Variants in ABI3BP observed in about 807,000 individuals in gnomAD.
ABI3BP encodes target of Nesh-SH3.
A neutral mutation model predicts 268.6 loss-of-function variants in ABI3BP; 216 were observed. The observed-to-expected ratio is 0.80, with a 90% CI of 0.72 to 0.90. ABI3BP has a LOEUF of 0.90. Ranked by LOEUF, ABI3BP falls within the 40% of genes least tolerant of loss-of-function variation. The pLI, the probability that ABI3BP is intolerant of heterozygous loss-of-function variation, is 0.00. For missense variants in ABI3BP, 2,090 were observed against 2,182.4 expected, an observed-to-expected ratio of 0.96 and a Z score of 0.84; for synonymous variants, 730 against 730.0, an observed-to-expected ratio of 1.00 and a Z score of 0.00.
intron 1 of ABI3BP, among the ~76,000 whole-genome samples, chr3:100,941,401 C>A (rs1009588399): frequency 6.6e-6 from 1 of 152,062 alleles, no homozygotes; most frequent in Non-Finnish European, 1.5e-5. Context: ...AATTAGTGAG[C>A]TTTTTATTAG....
chr3:100,974,309 GTGCTT>G (rs2085044366), intron 1 of ABI3BP, among the ~76,000 whole-genome samples: 1 of 152,202 alleles, frequency 6.6e-6, no homozygotes, highest in African/African-American at 2.4e-5. Context: ...ATGTAAGCAA[GTGCTT>G]ATAGCAGTTT....
intron 58 of ABI3BP, among the ~76,000 whole-genome samples, chr3:100,778,883 C>A (rs1338427035): frequency 6.6e-6 from 1 of 152,108 alleles, no homozygotes; most frequent in East Asian, 1.9e-4. Flanking sequence ...TGAGGAAAAT[C>A]CTGGGACCAA....
chr3:100,933,684 C>A (rs2064675600), intron 1 of ABI3BP, among the ~76,000 whole-genome samples: 2 of 147,190 alleles, frequency 1.4e-5, no homozygotes, highest in South Asian at 4.3e-4. Flanking sequence ...GAAAATAATT[C>A]TTTCTATTCA....
At chr3:100,790,575 AATTT>A (rs1199178693) in intron 55 of ABI3BP, among the ~76,000 whole-genome samples, 1 of 151,970 alleles carries the variant, frequency 6.6e-6, no homozygotes, top group Admixed American at 6.6e-5. Context: ...TGATGAGCAG[AATTT>A]TGCCATACTT....
At chr3:100,985,212 C>T (rs767136005) in intron 1 of ABI3BP, among the ~76,000 whole-genome samples, 21 of 136,232 alleles carry the variant, frequency 1.5e-4, no homozygotes, top group Admixed American at 2.5e-4. Flanking sequence ...TGCAGTGCTG[C>T]GATCTCAGCT....
At chr3:100,792,162 C>G (rs1381407234) in intron 55 of ABI3BP, among the ~76,000 whole-genome samples, 1 of 151,830 alleles carries the variant, frequency 6.6e-6, no homozygotes, top group African/African-American at 2.4e-5. Flanking sequence ...CAGAAAATCA[C>G]AGAGAAGAAA....
At chr3:100,862,636 T>C (rs1284409250) in intron 13 of ABI3BP, 3 of 585,386 alleles carry the variant, frequency 5.1e-6, no homozygotes, top group African/African-American at 1.9e-5. Context: ...GCTAAGTGGA[T>C]TATGTGGAAT....
intron 1 of ABI3BP, among the ~76,000 whole-genome samples, chr3:100,936,860 T>C (rs940727640): frequency 2.0e-5 from 3 of 152,030 alleles, no homozygotes; most frequent in Non-Finnish European, 4.4e-5. Flanking sequence ...TATTTGATTC[T>C]TCTCTCTTTT....
chr3:100,950,290 T>C (rs1017786190), intron 1 of ABI3BP, among the ~76,000 whole-genome samples: 1 of 152,196 alleles, frequency 6.6e-6, no homozygotes, highest in East Asian at 1.9e-4. Flanking sequence ...TTTTTTAAAA[T>C]GGAAAATATT....
At chr3:100,833,768 A>G (rs983438246) in intron 29 of ABI3BP, among the ~76,000 whole-genome samples, 1 of 152,212 alleles carries the variant, frequency 6.6e-6, no homozygotes, top group African/African-American at 2.4e-5. Flanking sequence ...AATTGGCTCA[A>G]ATCCAATCAT....
Position 100,875,558 on chromosome 3 carries a change from T to C in ABI3BP, c.767A>G (p.Lys256Arg). 1 of 1,613,254 alleles carries C rather than the reference T, an allele frequency of 6.2e-7. No individual in the cohort carries two copies. The highest frequency in any genetic ancestry group is 8.5e-7 in the Non-Finnish European group (1 of 1,179,240). The change falls in exon 8 of 68, where the codon AAG becomes AGG. Residue 256 changes from lysine to arginine, a missense_variant. Transcript: ENST00000471714. ...TTTTTCTGGGGATTTAGCTGAATCC[T>C]TGTGAGTAACATTCTGAATCACTGT... is the stretch of plus-strand genomic sequence containing the variant. ...IKQVIQNVTHKDSAKSPEKAP... is the reference protein window; with the variant it reads ...IKQVIQNVTHRDSAKSPEKAP...
In ABI3BP at chr3:100,970,392, G is replaced by C. The variant is rs80263453; in HGVS notation, c.79+22914C>G. On this transcript the variant is annotated intron_variant, in intron 1 of 67. Coordinates refer to ENST00000471714, the MANE Select transcript of ABI3BP (RefSeq NM_001375547.2). Reference sequence around the variant, plus strand: ...AAGTAGCTACAGTTCCTTCCAAAGGGAACACACTAAAAAATATGACAAAGT... The same window carrying C: ...AAGTAGCTACAGTTCCTTCCAAAGGCAACACACTAAAAAATATGACAAAGT... 8.7e-3 allele frequency among the ~76,000 whole-genome samples: 1,331 copies of C among 152,226 alleles called. 15 individuals carry two copies. The highest frequency in any genetic ancestry group is 0.027 in the African/African-American group (1,103 of 41,542).
intron 1 of ABI3BP, among the ~76,000 whole-genome samples, chr3:100,941,093 C>T (rs2068972984): frequency 1.3e-5 from 2 of 151,312 alleles, no homozygotes; most frequent in Non-Finnish European, 2.9e-5. Context: ...ACATAGATAG[C>T]TGCCTCAGTG....
intron 31 of ABI3BP, among the ~76,000 whole-genome samples, chr3:100,831,766 C>A (rs1048859037): frequency 1.3e-5 from 2 of 152,160 alleles, no homozygotes; most frequent in African/African-American, 4.8e-5. Flanking sequence ...ACATTTTCCT[C>A]CTCTAAATAT....
In ABI3BP at chr3:100,884,761, G is replaced by A. The variant is rs534831805; in HGVS notation, c.696+775C>T. Reference sequence around the variant, plus strand: ...GGGACCAAATTCCCTTCTTCTCACCGAACTGCCTCCTCTGTCTGCCCAGTA... The same window carrying A: ...GGGACCAAATTCCCTTCTTCTCACCAAACTGCCTCCTCTGTCTGCCCAGTA... On this transcript the variant is annotated intron_variant, in intron 6 of 67. Transcript: ENST00000471714. Among the ~76,000 whole-genome samples the A allele has an allele frequency of 7.8e-5, 9 of 116,126 alleles. No individual in the cohort carries two copies. In the South Asian group the frequency reaches 1.9e-3, roughly 25 times the overall value. The allele number at this position is 116,126 out of a possible 152,430, so 76.2% of individuals were successfully genotyped here.
At chr3:100,978,553 G>A (rs578010673) in intron 1 of ABI3BP, among the ~76,000 whole-genome samples, 3 of 152,294 alleles carry the variant, frequency 2.0e-5, no homozygotes, top group South Asian at 2.1e-4. Context: ...TATGTCAAGC[G>A]AGTGCTGCCC....
intron 34 of ABI3BP, among the ~76,000 whole-genome samples, chr3:100,826,920 T>C (rs1232412922): frequency 6.6e-6 from 1 of 152,132 alleles, no homozygotes; most frequent in African/African-American, 2.4e-5. Context: ...GTCATCCAAA[T>C]GCAGAATTAT....
intron 1 of ABI3BP, among the ~76,000 whole-genome samples, chr3:100,982,234 G>T (rs530415956): frequency 6.6e-6 from 1 of 152,100 alleles, no homozygotes; most frequent in Non-Finnish European, 1.5e-5. Flanking sequence ...CACGTGTGGG[G>T]ATTATGGGGA....
chr3:100,962,180 A>G (rs2079381514), intron 1 of ABI3BP, among the ~76,000 whole-genome samples: 1 of 152,112 alleles, frequency 6.6e-6, no homozygotes, highest in African/African-American at 2.4e-5. Context: ...CTCACTTGGC[A>G]GACTCTCTCT....
Sources: gnomAD v4.1 joint callset for allele counts (sites outside exome capture counted in the v4.1 genomes callset) on GRCh38, gnomAD v4.1.1 for gene constraint, MANE v1.5 for transcripts, NCBI Gene and HGNC (gene_info 2026-07-23, HGNC 2026-07-21) for gene names.